MIB1: variants seen among roughly 807,000 people sequenced by gnomAD.
MIB1 encodes the protein MIB E3 ubiquitin protein ligase 1.
MIB1 carries 278 observed loss-of-function variants against 124.5 expected under a neutral mutation model. That is an observed-to-expected ratio of 2.23 (90% CI 2.02 to 2.47). The LOEUF (loss-of-function observed/expected upper bound fraction) is 2.47. Ranked by LOEUF, MIB1 falls within the 30% of genes most tolerant of loss-of-function variation. The probability of loss-of-function intolerance (pLI) is 0.00; values close to 1 mark genes in which losing one functional copy is unlikely to be tolerated. For missense variants in MIB1, 957 were observed against 1,254.4 expected (o/e 0.76, Z 3.58); for synonymous variants, 446 against 429.4 (o/e 1.04, Z -0.48).
intron 12 of MIB1, 91 bp downstream of exon 12, chr18:21,819,737 G>T: frequency 2.2e-6 from 2 of 923,768 alleles, no homozygotes; most frequent in South Asian, 3.5e-5. Context: ...AAATAATTTT[G>T]GCTATTTTAG....
rs78640027 is a variant in MIB1, at chr18:21,818,381, G to T, written c.1678-1114G>T. ...ATTGTTATGGTGTAGGTTTGGTATG[G>T]AATTTCAGGGTATGACAATTAAGGC... On this transcript the variant is annotated intron_variant, in intron 11 of 20. Transcript: ENST00000261537. Among the ~76,000 whole-genome samples, 271 of 152,262 alleles carry T rather than the reference G, an allele frequency of 1.8e-3. 3 individuals carry two copies. Among genetic ancestry groups the T allele is most frequent in the African/African-American group, 5.2e-3 (215 of 41,552 alleles).
Position 21,864,599 on chromosome 18 carries a change from GT to G in MIB1, c.2955del (p.Cys985TrpfsTer5). On this transcript the variant is annotated frameshift_variant, in exon 21 of 21. Coordinates refer to ENST00000261537, the MANE Select transcript of MIB1 (RefSeq NM_020774.4). LOFTEE classifies it high-confidence loss of function. ...TGTGGTCACGGAACCTGTCAACTCT[GT>G]GGAGACCGCATGAGTGAATGTCCTA... ...FLCGHGTCQL[C>X]GDRMSECPIC... 1 of 1,613,612 alleles carries G rather than the reference GT, an allele frequency of 6.2e-7. No individual in the cohort carries two copies. Among genetic ancestry groups the G allele is most frequent in the Non-Finnish European group, 8.5e-7 (1 of 1,179,540 alleles).
At chr18:21,811,030 T>C (rs1186873107) in intron 10 of MIB1, among the ~76,000 whole-genome samples, 1 of 152,144 alleles carries the variant, frequency 6.6e-6, no homozygotes, top group East Asian at 1.9e-4. Flanking sequence ...CTTAAAACTC[T>C]ACATCAAGAA....
At position 21,870,246 on chromosome 18, in the gene MIB1, TAA is replaced by T. The variant is rs995066258; in HGVS notation, c.*5584_*5585del. The T allele has an allele frequency of 6.6e-6, 1 of 152,468 alleles. No individual in the cohort carries two copies. The highest frequency in any genetic ancestry group is 2.4e-5 in the African/African-American group (1 of 41,444). The allele number at this position is 152,468 out of a possible 1,614,324, so 9.4% of individuals were successfully genotyped here. A position where few individuals can be genotyped will look rare whatever the true frequency, so the allele number is the denominator to read the frequency against. On this transcript the variant is annotated 3_prime_UTR_variant, in exon 21 of 21. Transcript: ENST00000261537. ...CATGAATTTTGATTTTTAAAGCATT[TAA>T]AAACAAATCTCAATACATTAAAAAA...
At chr18:21,764,504 G>A (rs1174882810) in intron 1 of MIB1, among the ~76,000 whole-genome samples, 7 of 152,046 alleles carry the variant, frequency 4.6e-5, no homozygotes, top group Admixed American at 4.6e-4. Flanking sequence ...TTTAGAACAC[G>A]TTGTCTCACC....
intron 12 of MIB1, among the ~76,000 whole-genome samples, chr18:21,836,468 T>C (rs1301786321): frequency 6.6e-6 from 1 of 152,094 alleles, no homozygotes; most frequent in East Asian, 1.9e-4. Flanking sequence ...GAAAGAGAAA[T>C]GTCTTCTGCG....
chr18:21,779,792 C>CT (rs1314075351), intron 6 of MIB1, 107 bp downstream of exon 6: 3 of 859,108 alleles, frequency 3.5e-6, no homozygotes, highest in Non-Finnish European at 5.6e-6. Flanking sequence ...TTAAAGCTAG[C>CT]TTTTAGATGG....
chr18:21,825,411 T>A, intron 12 of MIB1: 1 of 284,804 alleles, frequency 3.5e-6, no homozygotes, highest in South Asian at 3.0e-5. Context: ...GTTGTTATTA[T>A]GAAGCATAGC....
intron 3 of MIB1, among the ~76,000 whole-genome samples, chr18:21,772,067 C>T (rs138946307): frequency 6.2e-4 from 94 of 152,180 alleles, no homozygotes; most frequent in Non-Finnish European, 1.0e-3. Context: ...GACTAAATTA[C>T]TAACAATTTA....
chr18:21,784,050 CTT>C (rs1175848884), intron 6 of MIB1, among the ~76,000 whole-genome samples: 20 of 132,702 alleles, frequency 1.5e-4, no homozygotes, highest in Non-Finnish European at 1.8e-4. Context: ...GCCTGTGTTG[CTT>C]TTTTTTTTTT....
At chr18:21,735,665 C>G (rs2040793434) in intron 1 of MIB1, among the ~76,000 whole-genome samples, 1 of 152,194 alleles carries the variant, frequency 6.6e-6, no homozygotes, top group South Asian at 2.1e-4. Flanking sequence ...TGAGGTTGAC[C>G]TGAGATGCTC....
intron 10 of MIB1, among the ~76,000 whole-genome samples, chr18:21,813,737 T>G (rs2041800058): frequency 6.6e-6 from 1 of 152,250 alleles, no homozygotes; most frequent in African/African-American, 2.4e-5. Flanking sequence ...ATCTGTGCTT[T>G]CTTTGAAAGT....
At chr18:21,762,809 T>G (rs900247789) in intron 1 of MIB1, among the ~76,000 whole-genome samples, 1 of 152,204 alleles carries the variant, frequency 6.6e-6, no homozygotes, top group East Asian at 1.9e-4. Context: ...AATCTTTTAA[T>G]TCACAGATGA....
intron 10 of MIB1, among the ~76,000 whole-genome samples, chr18:21,811,877 CTT>C (rs2041777781): frequency 6.6e-6 from 1 of 151,890 alleles, no homozygotes; most frequent in Non-Finnish European, 1.5e-5. Flanking sequence ...AGATGGTAAA[CTT>C]TATGTATATT....
In MIB1 at chr18:21,849,229, T is replaced by C; in HGVS notation, c.2427T>C (p.Ile809=). 2 of 1,599,864 alleles carry C rather than the reference T, an allele frequency of 1.3e-6. No individual in the cohort carries two copies. Among genetic ancestry groups the C allele is most frequent in the Non-Finnish European group, 1.7e-6 (2 of 1,174,204 alleles). Residue 809 remains isoleucine, a synonymous_variant, in exon 17 of 21, where the codon ATT becomes ATC. Transcript: ENST00000261537. ...GQVGSRSPSM[I]SNDSETLEEC... Reference sequence around the variant, plus strand: ...TGGGTTCTCGGAGTCCTTCTATGATTAGTAATGATTCTGAAACCTTAGAAG... The same window carrying C: ...TGGGTTCTCGGAGTCCTTCTATGATCAGTAATGATTCTGAAACCTTAGAAG...
chr18:21,744,754 C>T (rs895967131), intron 1 of MIB1, among the ~76,000 whole-genome samples: 6 of 152,182 alleles, frequency 3.9e-5, no homozygotes, highest in African/African-American at 1.4e-4. Flanking sequence ...GTTAGTGCAT[C>T]GTACCAGGAG....
At chr18:21,747,614 G>T (rs1219134211) in intron 1 of MIB1, among the ~76,000 whole-genome samples, 1 of 152,124 alleles carries the variant, frequency 6.6e-6, no homozygotes, top group Admixed American at 6.5e-5. Context: ...TTATTAGTTG[G>T]GGAGAAGAGA....
rs115338112 is a variant in MIB1, at chr18:21,751,262, A to G, written c.229+9450A>G. ...GGCTCATAAAATTGCATTAAACGTCACAGTTATTATTATTATTTTATTTAT... is the reference window on the plus strand; with the variant it reads ...GGCTCATAAAATTGCATTAAACGTCGCAGTTATTATTATTATTTTATTTAT... On this transcript the variant is annotated intron_variant, in intron 1 of 20. Coordinates refer to ENST00000261537, the MANE Select transcript of MIB1 (RefSeq NM_020774.4). Among the ~76,000 whole-genome samples the G allele has an allele frequency of 7.8e-3, 1,191 of 152,150 alleles. 15 individuals are homozygous for G. The highest frequency in any genetic ancestry group is 0.027 in the African/African-American group (1,141 of 41,492).
At chr18:21,791,192 AAAC>A in intron 6 of MIB1, 179 bp from the exon 7 acceptor site, 1 of 458,592 alleles carries the variant, frequency 2.2e-6, no homozygotes, top group African/African-American at 2.0e-5. Context: ...AAAAAAAAAA[AAAC>A]AAAACAGAAA....
Sources: gnomAD v4.1 joint callset for allele counts (sites outside exome capture counted in the v4.1 genomes callset) on GRCh38, gnomAD v4.1.1 for gene constraint, MANE v1.5 for transcripts, NCBI Gene and HGNC (gene_info 2026-07-23, HGNC 2026-07-21) for gene names.